The following THADA variants were observed in gnomAD, a reference collection of about 807,000 sequenced individuals.
The protein encoded by THADA is tRNA (32-2'-O)-methyltransferase regulator THADA.
THADA carries 213 observed loss-of-function variants against 219.8 expected under a neutral mutation model. The observed-to-expected ratio is 0.97, with a 90% CI of 0.87 to 1.09. THADA has a LOEUF of 1.09. Among genes scored for constraint, THADA ranks in the 50% least tolerant of loss-of-function variants. THADA has a pLI of 0.00. For missense variants in THADA, 2,956 were observed against 2,311.3 expected, an observed-to-expected ratio of 1.28 and a Z score of -5.72; for synonymous variants, 1,018 against 828.9, an observed-to-expected ratio of 1.23 and a Z score of -3.92.
At chr2:43,318,220 T>TG (rs1401870344) in intron 31 of THADA, among the ~76,000 whole-genome samples, 1 of 151,888 alleles carries the variant, frequency 6.6e-6, no homozygotes, top group South Asian at 2.1e-4. Flanking sequence ...AATTTTTTTT[T>TG]TTTTAGAGAT....
At chr2:43,434,456 C>T (rs1299816321) in intron 26 of THADA, among the ~76,000 whole-genome samples, 2 of 152,170 alleles carry the variant, frequency 1.3e-5, no homozygotes, top group African/African-American at 4.8e-5. Context: ...CCCTGGCCCG[C>T]CATGCCCCCA....
chr2:43,278,034 T>G (rs1052758052), intron 36 of THADA, among the ~76,000 whole-genome samples: 2 of 150,368 alleles, frequency 1.3e-5, no homozygotes, highest in Non-Finnish European at 2.9e-5. Context: ...CACTGCGACC[T>G]ATGCCTCCTG....
intron 25 of THADA, among the ~76,000 whole-genome samples, chr2:43,493,134 C>A (rs1283412950): frequency 6.6e-6 from 1 of 152,162 alleles, no homozygotes; most frequent in African/African-American, 2.4e-5. Context: ...CTTTTTCCTA[C>A]CCTCCTTTGA....
rs755278577 is a variant in THADA, at chr2:43,541,285, C to T, written c.3138G>A (p.Ala1046=). ...GKEVKTCDVT[A]QMVLVCCWRS... is the part of the protein sequence containing the mutation. The stretch of plus-strand genomic sequence containing the variant: ...TCCAACAACATACCAGCACCATCTG[C>T]GCAGTTACATCACATGTTTTTACTT... The change falls in exon 21 of 38, where the codon GCG becomes GCA. Residue 1046 remains alanine (A), a synonymous_variant. Transcript: ENST00000405975. 2.3e-5 allele frequency: 37 copies of T among 1,613,130 alleles called. No homozygotes were observed. Among genetic ancestry groups the T allele is most frequent in the East Asian group, 6.7e-5 (3 of 44,862 alleles).
chr2:43,469,514 A>T (rs912662163), intron 26 of THADA, among the ~76,000 whole-genome samples: 2 of 152,036 alleles, frequency 1.3e-5, no homozygotes, highest in Non-Finnish European at 2.9e-5. Flanking sequence ...AATGAACATT[A>T]AAAAAAATTA....
chr2:43,250,015 A>C (rs1669651709), intron 36 of THADA, among the ~76,000 whole-genome samples: 1 of 152,180 alleles, frequency 6.6e-6, no homozygotes, highest in African/African-American at 2.4e-5. Context: ...CAATAAGTCA[A>C]AGAATTACCA....
rs748873665 is a variant in THADA, at chr2:43,577,003, C to T, written c.1037+19G>A. On this transcript the variant is annotated intron_variant, in intron 10 of 37. Transcript: ENST00000405975. ...CTTACAAGTGAAACAAAATATGAGA[C>T]GATAGCATCAAAACTCACTGTGAAC... is the stretch of plus-strand genomic sequence containing the variant. The T allele has an allele frequency of 1.1e-5, 17 of 1,598,246 alleles. No individual in the cohort carries two copies. The highest frequency in any genetic ancestry group is 6.9e-5 in the Admixed American group (4 of 58,290).
chr2:43,522,860 C>T (rs377616992), intron 22 of THADA, among the ~76,000 whole-genome samples: 2 of 152,078 alleles, frequency 1.3e-5, no homozygotes, highest in African/African-American at 2.4e-5. Context: ...AAGAATATGG[C>T]TCCCCAGGCA....
intron 29 of THADA, among the ~76,000 whole-genome samples, chr2:43,344,539 T>C (rs1267020956): frequency 6.6e-6 from 1 of 152,234 alleles, no homozygotes. Flanking sequence ...ATACACTGAT[T>C]TCAGCAAAGA....
At chr2:43,396,784 C>T (rs1045484012) in intron 29 of THADA, among the ~76,000 whole-genome samples, 2 of 151,372 alleles carry the variant, frequency 1.3e-5, no homozygotes, top group Middle Eastern at 3.4e-3. Flanking sequence ...GCACTCCTGC[C>T]TGGGAAACAG....
At chr2:43,389,821 T>C (rs1459054018) in intron 29 of THADA, among the ~76,000 whole-genome samples, 15 of 152,342 alleles carry the variant, frequency 9.8e-5, no homozygotes, top group African/African-American at 3.6e-4. Context: ...CTCCAGTCCA[T>C]CCTGGTCTTG....
At chr2:43,552,606 C>T (rs1225193369) in intron 17 of THADA, among the ~76,000 whole-genome samples, 1 of 152,020 alleles carries the variant, frequency 6.6e-6, no homozygotes, top group Non-Finnish European at 1.5e-5. Flanking sequence ...GGTATCAAAC[C>T]CCAGGCTGAT....
chr2:43,512,208 G>C (rs146631659), intron 22 of THADA, among the ~76,000 whole-genome samples: 1 of 152,142 alleles, frequency 6.6e-6, no homozygotes, highest in Non-Finnish European at 1.5e-5. Context: ...CAAGGCACCA[G>C]CTCCTACCAT....
At chr2:43,556,259 A>T in intron 17 of THADA, 86 bp downstream of exon 17, 3 of 1,538,914 alleles carry the variant, frequency 1.9e-6, no homozygotes, top group Non-Finnish European at 2.6e-6. Context: ...AAACCACAAA[A>T]TATATGTTTA....
intron 26 of THADA, among the ~76,000 whole-genome samples, chr2:43,483,270 G>T (rs114877700): frequency 1.3e-5 from 2 of 152,102 alleles, no homozygotes; most frequent in South Asian, 2.1e-4. Flanking sequence ...AGATGAAAAA[G>T]GTCCTTCCTT....
intron 26 of THADA, among the ~76,000 whole-genome samples, chr2:43,476,525 CT>C (rs11343939): frequency 0.019 from 2,939 of 152,252 alleles, 93 homozygotes; most frequent in African/African-American, 0.067. Flanking sequence ...TTTGGGTTTA[CT>C]GTTATTCGCA....
At position 43,482,739 on chromosome 2, in the gene THADA, A is replaced by G. The variant is rs117783142; in HGVS notation, c.3836+2495T>C. ...TTAAGATACTGACCTTGTCCTCAAA[A>G]AGCACGGTCTTAAGAGCAAGACAAT... On this transcript the variant is annotated intron_variant, in intron 26 of 37. Coordinates refer to ENST00000405975, the MANE Select transcript of THADA (RefSeq NM_022065.5). Among the ~76,000 whole-genome samples, 29 of 152,314 alleles carry G rather than the reference A, an allele frequency of 1.9e-4. No individual in the cohort carries two copies. The East Asian group carries it at 5.4e-3, about 28-fold the overall frequency.
At chr2:43,286,774 G>T (rs150844356) in intron 35 of THADA, 134 bp downstream of exon 35, 1 of 997,258 alleles carries the variant, frequency 1.0e-6, no homozygotes. Context: ...GAACTAAGAC[G>T]GTAGGAATAT....
chr2:43,368,589 G>A (rs1670441521), intron 29 of THADA, among the ~76,000 whole-genome samples: 1 of 151,652 alleles, frequency 6.6e-6, no homozygotes, highest in Non-Finnish European at 1.5e-5. Context: ...GTGGAGACAG[G>A]GTCTCACTAT....
Sources: allele counts gnomAD v4.1 joint callset (sites outside exome capture counted in the v4.1 genomes callset), GRCh38; gene constraint gnomAD v4.1.1; transcripts MANE v1.5; gene names NCBI Gene and HGNC (gene_info 2026-07-23, HGNC 2026-07-21).